INPP5D: variants seen among roughly 807,000 people sequenced by gnomAD.
The protein encoded by INPP5D is phosphatidylinositol 3,4,5-trisphosphate 5-phosphatase 1.
Under a neutral mutation model 122.9 loss-of-function variants are expected in INPP5D, and 33 were observed. The observed-to-expected ratio is 0.27, with a 90% CI of 0.20 to 0.36. INPP5D has a LOEUF of 0.36. Ranked by LOEUF, INPP5D falls within the 10% of genes least tolerant of loss-of-function variation. The probability of loss-of-function intolerance (pLI) is 1.00; values close to 1 mark genes in which losing one functional copy is unlikely to be tolerated. For synonymous variants in INPP5D, 584 were observed against 576.2 expected (o/e 1.01, Z -0.19); for missense variants, 1,053 against 1,412.7 (o/e 0.75, Z 4.08).
At chr2:233,179,072 A>T (rs768817009) in intron 18 of INPP5D, among the ~76,000 whole-genome samples, 6 of 152,214 alleles carry the variant, frequency 3.9e-5, no homozygotes, top group Non-Finnish European at 7.3e-5. Flanking sequence ...TCCTTGCTGA[A>T]GGACTGAGCT....
intron 1 of INPP5D, 45 bp from the exon 2 acceptor site, chr2:233,079,290 G>A (rs1463124898): frequency 9.2e-6 from 11 of 1,194,684 alleles, no homozygotes; most frequent in East Asian, 2.3e-5. Context: ...AGAGGAAACC[G>A]GGTCTTCCTG....
intron 9 of INPP5D, among the ~76,000 whole-genome samples, chr2:233,157,858 A>T (rs1264688066): frequency 3.4e-5 from 5 of 145,320 alleles, no homozygotes; most frequent in Non-Finnish European, 7.4e-5. Flanking sequence ...GTTGTGGAGG[A>T]CTATTGTTTG....
intron 3 of INPP5D, among the ~76,000 whole-genome samples, chr2:233,125,113 T>C (rs1693118462): frequency 6.6e-6 from 1 of 152,258 alleles, no homozygotes; most frequent in African/African-American, 2.4e-5. Context: ...AACCTTCTCC[T>C]AAAGGCGATG....
chr2:233,111,568 A>G (rs570505799), intron 2 of INPP5D, among the ~76,000 whole-genome samples: 28 of 152,302 alleles, frequency 1.8e-4, no homozygotes, highest in African/African-American at 6.7e-4. Flanking sequence ...TTGGGTTTTC[A>G]GGTGTCTCCA....
chr2:233,204,363 C>T lies in INPP5D; in HGVS notation c.3213C>T (p.Gly1071=), dbSNP rs375918129. The T allele has an allele frequency of 4.9e-5, 79 of 1,609,964 alleles. No individual in the cohort carries two copies. Among genetic ancestry groups the T allele is most frequent in the South Asian group, 3.6e-4 (33 of 90,858 alleles). ...CCAAAGCCCAGGAGGCTGATCGCGG[C>T]GAGGGGCCCGGCAAGCAGGTGCCCG... ...VLTKAQEADR[G]EGPGKQVPAP... is the part of the protein sequence containing the mutation. Residue 1071 remains glycine (G), a synonymous_variant, in exon 26 of 27, where the codon GGC becomes GGT. Transcript: ENST00000445964.
At chr2:233,191,954 C>T (rs908836285) in intron 22 of INPP5D, among the ~76,000 whole-genome samples, 3 of 152,158 alleles carry the variant, frequency 2.0e-5, no homozygotes, top group African/African-American at 4.8e-5. Flanking sequence ...CTGTCGCTCC[C>T]CTCCTTGGGG....
Position 233,078,884 on chromosome 2 carries a change from T to C in INPP5D, c.135-451T>C, listed in dbSNP as rs1181687218. 2.0e-5 allele frequency among the ~76,000 whole-genome samples: 3 copies of C among 152,092 alleles called. No individual in the cohort carries two copies. Among genetic ancestry groups the C allele is most frequent in the African/African-American group, 7.2e-5 (3 of 41,416 alleles). ...TTTTAGTAGAGATGGGATTTCACCA[T>C]GTTGGCCAGGATGGTCTCAATCTCT... On this transcript the variant is annotated intron_variant, in intron 1 of 26. Coordinates refer to ENST00000445964, the MANE Select transcript of INPP5D (RefSeq NM_001017915.3). The surrounding 1 kb of genome is among the most constrained non-coding windows in gnomAD (Gnocchi z 4.6).
chr2:233,201,873 C>T (rs1019586704), intron 25 of INPP5D, among the ~76,000 whole-genome samples: 4 of 152,160 alleles, frequency 2.6e-5, no homozygotes, highest in Admixed American at 6.5e-5. Context: ...CCCTAGATAT[C>T]GGTTCCCTTA....
chr2:233,121,662 C>T (rs1692983001), intron 2 of INPP5D, among the ~76,000 whole-genome samples: 2 of 151,760 alleles, frequency 1.3e-5, no homozygotes, highest in South Asian at 4.2e-4. Context: ...ATTACAGGCA[C>T]CTGCCACCAC....
Position 233,110,491 on chromosome 2 carries a change from C to T in INPP5D, c.199-11616C>T, listed in dbSNP as rs186121487. On this transcript the variant is annotated intron_variant, in intron 2 of 26. Coordinates refer to ENST00000445964, the MANE Select transcript of INPP5D (RefSeq NM_001017915.3). The stretch of plus-strand genomic sequence containing the variant: ...CTGAGATTGTAGGCATGAGCCACCG[C>T]GCCCAGCAACAAGATGCTCTCTAAC... Among the ~76,000 whole-genome samples the T allele has an allele frequency of 5.9e-3, 891 of 152,266 alleles. 1 individual carries two copies. The highest frequency in any genetic ancestry group is 9.8e-3 in the Non-Finnish European group (669 of 68,032).
At chr2:233,193,786 C>T (rs1240397902) in intron 22 of INPP5D, 26 bp from the exon 23 acceptor site, 1 of 1,613,594 alleles carries the variant, frequency 6.2e-7, no homozygotes, top group African/African-American at 1.3e-5. Flanking sequence ...GGGTCTTCAC[C>T]CAGCTGTCTC....
chr2:233,095,615 C>CA (rs59030376), intron 2 of INPP5D, among the ~76,000 whole-genome samples: 66 of 129,158 alleles, frequency 5.1e-4, no homozygotes, highest in Non-Finnish European at 8.0e-4. Context: ...GAAACTGTCT[C>CA]AAAAAAAAAA....
chr2:233,206,678 T>C lies in INPP5D; in HGVS notation c.3568-28T>C. Reference sequence around the variant, plus strand: ...AACATGGCCTGGTGAGAATGAGCCCTGACAGCCCTTCTGTTCTTGTCCCAC... The same window carrying C: ...AACATGGCCTGGTGAGAATGAGCCCCGACAGCCCTTCTGTTCTTGTCCCAC... On this transcript the variant is annotated intron_variant, in intron 26 of 26. Transcript: ENST00000445964. The surrounding 1 kb of genome is among the most constrained non-coding windows in gnomAD (Gnocchi z 4.0). 1 of 771,342 alleles carries C rather than the reference T, an allele frequency of 1.3e-6. No individual in the cohort carries two copies. The highest frequency in any genetic ancestry group is 2.4e-6 in the Non-Finnish European group (1 of 413,800). 47.8% of individuals were successfully genotyped at this position (771,342 alleles called of 1,614,324 possible). A position where few individuals can be genotyped will look rare whatever the true frequency, so the allele number is the denominator to read the frequency against.
Position 233,189,454 on chromosome 2 carries a change from G to C in INPP5D, c.2359-396G>C, listed in dbSNP as rs1694996563. ...TAGGGGGAGCCTGGCGCAGGGTGGA[G>C]TGCATGGATCATTCCAGACCTGGTG... On this transcript the variant is annotated intron_variant, in intron 21 of 26. Transcript: ENST00000445964. The surrounding 1 kb of genome is among the most constrained non-coding windows in gnomAD (Gnocchi z 5.6). Among the ~76,000 whole-genome samples the C allele has an allele frequency of 6.6e-6, 1 of 152,190 alleles. No individual in the cohort carries two copies. Among genetic ancestry groups the C allele is most frequent in the Non-Finnish European group, 1.5e-5 (1 of 68,024 alleles).
At chr2:233,149,142 C>T (rs147318408) in intron 9 of INPP5D, among the ~76,000 whole-genome samples, 69,327 of 140,132 alleles carry the variant, frequency 0.49, 17,341 homozygotes, top group South Asian at 0.67. Context: ...CTCGCTCTAT[C>T]ACCCAGACTG....
chr2:233,201,722 C>T (rs945067549), intron 25 of INPP5D, among the ~76,000 whole-genome samples: 5 of 152,220 alleles, frequency 3.3e-5, no homozygotes, highest in African/African-American at 1.2e-4. Context: ...TAAGCAAGGA[C>T]AACTGGTGAC....
At chr2:233,072,026 G>A (rs1691395737) in intron 1 of INPP5D, among the ~76,000 whole-genome samples, 1 of 152,172 alleles carries the variant, frequency 6.6e-6, no homozygotes, top group Non-Finnish European at 1.5e-5. Flanking sequence ...GCATGGGCCA[G>A]TATTTCTAAA....
Position 233,204,484 on chromosome 2 carries a change from T to G in INPP5D, c.3334T>G (p.Ser1112Ala). ...AGGGAAGCCCAAGACCCCGGTCAGCTCCCAGGCCCCGGTGCCGGCCAAGAG... is the reference window on the plus strand; with the variant it reads ...AGGGAAGCCCAAGACCCCGGTCAGCGCCCAGGCCCCGGTGCCGGCCAAGAG... ...SQGKPKTPVS[S>A]QAPVPAKRPI... The change falls in exon 26 of 27, where the codon TCC (serine) becomes GCC (alanine). Residue 1112 changes from serine to alanine, a missense_variant. Physicochemically the swap from Ser to Ala is moderately conservative, Grantham distance 99. Around this residue, in one of 6 missense-constraint regions of INPP5D, gnomAD observed 417 missense variants for 425.8 expected, o/e 0.98. Transcript: ENST00000445964. 1 of 1,585,598 alleles carries G rather than the reference T, an allele frequency of 6.3e-7. No individual in the cohort carries two copies. Among genetic ancestry groups the G allele is most frequent in the South Asian group, 1.1e-5 (1 of 87,402 alleles).
Position 233,204,248 on chromosome 2 carries a change from C to T in INPP5D, c.3098C>T (p.Pro1033Leu). The T allele has an allele frequency of 1.2e-6, 2 of 1,613,574 alleles. No individual in the cohort carries two copies. The highest frequency in any genetic ancestry group is 1.1e-5 in the South Asian group (1 of 91,084). Reference sequence around the variant, plus strand: ...CTGAGTTCCTTCCCTAAGCCTGCTCCCAGGAAGGACCAGGAATCCCCCAAA... The same window carrying T: ...CTGAGTTCCTTCCCTAAGCCTGCTCTCAGGAAGGACCAGGAATCCCCCAAA... ...GSLSSFPKPA[P>L]RKDQESPKMP... Residue 1033 changes from proline to leucine, a missense_variant, in exon 26 of 27, where the codon CCC becomes CTC. Physicochemically the swap from Pro to Leu is moderately conservative, Grantham distance 98. This residue lies in a region of INPP5D where 417 missense variants were observed against 425.8 expected (regional missense o/e 0.98). Transcript: ENST00000445964.
Sources: gnomAD v4.1 joint callset for allele counts (sites outside exome capture counted in the v4.1 genomes callset) on GRCh38, gnomAD v4.1.1 for gene constraint, gnomAD v4.1.1 regional missense constraint, Gnocchi (gnomAD v3.1) non-coding constraint, MANE v1.5 for transcripts, NCBI Gene and HGNC (gene_info 2026-07-23, HGNC 2026-07-21) for gene names.